SMOC2: variants seen among roughly 807,000 people sequenced by gnomAD.
SMOC2 encodes SPARC-related modular calcium-binding protein 2.
In SMOC2, 39 loss-of-function variants were observed where a neutral mutation model predicts 61.4. The ratio of observed to expected loss-of-function variants is 0.64; its 90% CI spans 0.49 to 0.83. SMOC2 has a LOEUF of 0.83. Among genes scored for constraint, SMOC2 ranks in the 40% least tolerant of loss-of-function variants. The probability of loss-of-function intolerance (pLI) is 0.00; values close to 1 mark genes in which losing one functional copy is unlikely to be tolerated. For synonymous variants in SMOC2, 247 were observed against 239.9 expected (o/e 1.03, Z -0.27); for missense variants, 556 against 592.9 (o/e 0.94, Z 0.65).
intron 7 of SMOC2, among the ~76,000 whole-genome samples, chr6:168,585,963 A>C (rs754282458): frequency 2.0e-5 from 3 of 152,148 alleles, no homozygotes; most frequent in Non-Finnish European, 2.9e-5. Flanking sequence ...CGTTTTCTTA[A>C]TGGTCTCTTT....
chr6:168,506,680 C>T (rs753993192), intron 1 of SMOC2, among the ~76,000 whole-genome samples: 2 of 152,122 alleles, frequency 1.3e-5, no homozygotes, highest in Non-Finnish European at 2.9e-5. Flanking sequence ...CACCTGGGCT[C>T]CTCGCACCTG....
chr6:168,618,962 A>G (rs10806688), intron 9 of SMOC2, among the ~76,000 whole-genome samples: 70,188 of 152,096 alleles, frequency 0.46, 16,639 homozygotes, highest in Non-Finnish European at 0.52. Flanking sequence ...CAATATAATA[A>G]GACAATAAAT....
chr6:168,651,394 C>T lies in SMOC2; in HGVS notation c.1010+611C>T, dbSNP rs76884604. Among the ~76,000 whole-genome samples, 1,092 of 152,244 alleles carry T rather than the reference C, an allele frequency of 7.2e-3. 7 individuals carry two copies. Among genetic ancestry groups the T allele is most frequent in the Non-Finnish European group, 0.011 (735 of 68,020 alleles). On this transcript the variant is annotated intron_variant, in intron 10 of 12. Coordinates refer to ENST00000356284, the MANE Select transcript of SMOC2 (RefSeq NM_001166412.2). ...GAGTGGCTTTCGGTGAATTCTCCAA[C>T]ACTCCTCTTTTCCACCCTCTGTAGA...
Position 168,605,559 on chromosome 6 carries a change from T to C in SMOC2, c.825-2598T>C, listed in dbSNP as rs76281560. ...CTACTCATTAAAACAAGCAGAATACTGTCATGTAAATATATATTTTTATAT... is the reference window on the plus strand; with the variant it reads ...CTACTCATTAAAACAAGCAGAATACCGTCATGTAAATATATATTTTTATAT... On this transcript the variant is annotated intron_variant, in intron 8 of 12. Coordinates refer to ENST00000356284, the MANE Select transcript of SMOC2 (RefSeq NM_001166412.2). 5.5e-4 allele frequency among the ~76,000 whole-genome samples: 84 copies of C among 152,270 alleles called. 1 individual carries two copies. In the East Asian group the frequency reaches 0.016, roughly 29 times the overall value.
At chr6:168,571,875 C>A in intron 7 of SMOC2, among the ~76,000 whole-genome samples, 1 of 124,846 alleles carries the variant, frequency 8.0e-6, no homozygotes, top group Non-Finnish European at 1.7e-5. Flanking sequence ...CTCCCCGCAT[C>A]CCCGGGTGCG....
intron 9 of SMOC2, among the ~76,000 whole-genome samples, chr6:168,615,848 G>A (rs1166047580): frequency 6.6e-6 from 1 of 152,200 alleles, no homozygotes; most frequent in Non-Finnish European, 1.5e-5. Flanking sequence ...AACCTTAGAG[G>A]CAACACCTGG....
Position 168,502,033 on chromosome 6 carries a change from T to G in SMOC2, c.85-7882T>G, listed in dbSNP as rs187800467. On this transcript the variant is annotated intron_variant, in intron 1 of 12. Coordinates refer to ENST00000356284, the MANE Select transcript of SMOC2 (RefSeq NM_001166412.2). The stretch of plus-strand genomic sequence containing the variant: ...AGAAACCTGCTCTCTCTTCTTGAAC[T>G]TCTAATTTAGCTCCCTTTTTACTGC... 1.1e-3 allele frequency among the ~76,000 whole-genome samples: 168 copies of G among 152,330 alleles called. 1 individual carries two copies. The highest frequency in any genetic ancestry group is 3.6e-3 in the African/African-American group (151 of 41,578).
At chr6:168,651,718 A>G (rs1234129604) in intron 10 of SMOC2, among the ~76,000 whole-genome samples, 1 of 152,188 alleles carries the variant, frequency 6.6e-6, no homozygotes, top group Non-Finnish European at 1.5e-5. Context: ...ATACTAACAG[A>G]AAATGTCATG....
intron 1 of SMOC2, among the ~76,000 whole-genome samples, chr6:168,503,338 A>C (rs745902432): frequency 2.6e-5 from 4 of 151,804 alleles, no homozygotes; most frequent in African/African-American, 7.3e-5. Flanking sequence ...TCGGCCTCCC[A>C]AAGTGCTGGG....
At chr6:168,479,108 G>A (rs550748699) in intron 1 of SMOC2, among the ~76,000 whole-genome samples, 7 of 150,538 alleles carry the variant, frequency 4.6e-5, no homozygotes, top group South Asian at 2.2e-4. Flanking sequence ...AGTCAGGAAC[G>A]TTGAATGATT....
In SMOC2 at chr6:168,653,106, G is replaced by A; in HGVS notation, c.1163G>A (p.Cys388Tyr). The A allele has an allele frequency of 1.9e-6, 3 of 1,614,190 alleles. No homozygotes were observed. Among genetic ancestry groups the A allele is most frequent in the Non-Finnish European group, 2.5e-6 (3 of 1,180,032 alleles). ...CGCAAAAAATCAAAGCCCAAAAAAT[G>A]TGTGAAGAAGTTTGTTGAATACTGT... Reference protein sequence around the residue: ...FLRKKSKPKKCVKKFVEYCDV... With the variant: ...FLRKKSKPKKYVKKFVEYCDV... Residue 388 changes from cysteine (C) to tyrosine (Y), a missense_variant, in exon 11 of 13, where the codon TGT becomes TAT. By Grantham distance (194) the Cys-to-Tyr change is radical (BLOSUM62 -2). Coordinates refer to ENST00000356284, the MANE Select transcript of SMOC2 (RefSeq NM_001166412.2).
chr6:168,514,447 C>T (rs549570099), intron 2 of SMOC2, among the ~76,000 whole-genome samples: 11 of 152,332 alleles, frequency 7.2e-5, no homozygotes, highest in Admixed American at 5.9e-4. Flanking sequence ...GGAAAGTTGG[C>T]GTGGAGCCAG....
chr6:168,523,079 ATTTTTTT>A (rs1554287070), intron 2 of SMOC2, among the ~76,000 whole-genome samples: 1 of 93,664 alleles, frequency 1.1e-5, no homozygotes, highest in African/African-American at 3.3e-5. Context: ...TTGTACAGTA[ATTTTTTT>A]TTTTTTTTTT....
intron 7 of SMOC2, among the ~76,000 whole-genome samples, chr6:168,552,364 G>A (rs1376066979): frequency 6.6e-6 from 1 of 152,128 alleles, no homozygotes; most frequent in Non-Finnish European, 1.5e-5. Flanking sequence ...GAAAATGTAA[G>A]TAATTTTTGA....
intron 7 of SMOC2, among the ~76,000 whole-genome samples, chr6:168,590,214 T>G (rs112757991): frequency 0.059 from 1,676 of 28,422 alleles, 55 homozygotes; most frequent in South Asian, 0.1. Flanking sequence ...CGGCCTGGTG[T>G]TGGTCAGGTG....
chr6:168,494,349 C>T (rs1199699821), intron 1 of SMOC2, among the ~76,000 whole-genome samples: 1 of 152,188 alleles, frequency 6.6e-6, no homozygotes. Flanking sequence ...AGCAGACACG[C>T]ACCTAATGCG....
intron 6 of SMOC2, among the ~76,000 whole-genome samples, chr6:168,548,344 T>C (rs1366457894): frequency 7.1e-6 from 1 of 141,458 alleles, no homozygotes; most frequent in Non-Finnish European, 1.5e-5. Flanking sequence ...TGACCTGCAC[T>C]ACATTCCTTT....
intron 9 of SMOC2, among the ~76,000 whole-genome samples, chr6:168,641,777 A>G (rs1786896556): frequency 6.6e-6 from 1 of 152,212 alleles, no homozygotes; most frequent in Non-Finnish European, 1.5e-5. Context: ...CACTGGAGGA[A>G]CTTCCTAATT....
chr6:168,488,844 C>G (rs1480000718), intron 1 of SMOC2, among the ~76,000 whole-genome samples: 38 of 132,012 alleles, frequency 2.9e-4, no homozygotes, highest in South Asian at 9.1e-4. Flanking sequence ...GGTCCCCTTG[C>G]ATCACACTGT....
Sources: allele counts gnomAD v4.1 joint callset (sites outside exome capture counted in the v4.1 genomes callset), GRCh38; gene constraint gnomAD v4.1.1; transcripts MANE v1.5; gene names NCBI Gene and HGNC (gene_info 2026-07-23, HGNC 2026-07-21).